The following ATP13A3 variants were observed in gnomAD, a reference collection of about 807,000 sequenced individuals.
ATP13A3 encodes polyamine-transporting ATPase 13A3.
In ATP13A3, 59 loss-of-function variants were observed where a neutral mutation model predicts 158.1. That is an observed-to-expected ratio of 0.37 (90% CI 0.30 to 0.46). The LOEUF is 0.46. Among genes scored for constraint, ATP13A3 ranks in the 20% least tolerant of loss-of-function variants. The probability of loss-of-function intolerance (pLI) is 1.00; values close to 1 mark genes in which losing one functional copy is unlikely to be tolerated. For missense variants in ATP13A3, 1,166 were observed against 1,525.2 expected (o/e 0.76, Z 3.92); for synonymous variants, 491 against 504.3 (o/e 0.97, Z 0.35).
At chr3:194,421,944 CAAAA>C (rs397972334) in intron 30 of ATP13A3, among the ~76,000 whole-genome samples, 5 of 97,486 alleles carry the variant, frequency 5.1e-5, no homozygotes, top group African/African-American at 1.3e-4. Flanking sequence ...GTGTCGTTGG[CAAAA>C]AAAAAAAAAA....
Position 194,441,367 on chromosome 3 carries a change from C to T in ATP13A3, c.1654G>A (p.Glu552Lys), listed in dbSNP as rs757922016. The T allele has an allele frequency of 2.5e-6, 4 of 1,613,818 alleles. No individual in the cohort carries two copies. The South Asian group carries it at 4.4e-5, about 18-fold the overall frequency. ...AGTGGATCACCAGAGAGCACTCCTT[C>T]AATTTTTGTAAGTGAATGACAAGTA... The part of the protein sequence containing the change: ...MATCHSLTKI[E>K]GVLSGDPLDL... The change falls in exon 16 of 34, where the codon GAA becomes AAA. Residue 552 changes from glutamate (E) to lysine (K), a missense_variant. This residue lies in a region of ATP13A3 where 997 missense variants were observed against 1,341.2 expected (regional missense o/e 0.74). Coordinates refer to ENST00000645319, the MANE Select transcript of ATP13A3 (RefSeq NM_001367549.1).
chr3:194,448,048 G>A lies in ATP13A3; in HGVS notation c.1151-39C>T. 2.0e-6 allele frequency: 3 copies of A among 1,497,488 alleles called. No individual in the cohort carries two copies. The highest frequency in any genetic ancestry group is 2.8e-5 in the African/African-American group (2 of 70,430). 92.8% of individuals were successfully genotyped at this position (1,497,488 alleles called of 1,614,324 possible). On this transcript the variant is annotated intron_variant, in intron 12 of 33. Transcript: ENST00000645319. The surrounding 1 kb of genome is among the most constrained non-coding windows in gnomAD (Gnocchi z 4.0). ...AAGACAATTATTGATATTTTTATAA[G>A]AAAATGAGAATTATCTCCCAAAACA...
At chr3:194,481,082 A>T (rs1720729911) in intron 2 of ATP13A3, among the ~76,000 whole-genome samples, 1 of 152,230 alleles carries the variant, frequency 6.6e-6, no homozygotes, top group African/African-American at 2.4e-5. Context: ...TTATCTGAGA[A>T]TTTAGGCCCA....
intron 33 of ATP13A3, among the ~76,000 whole-genome samples, chr3:194,406,469 T>TTTTG (rs1553793236): frequency 6.6e-6 from 1 of 152,116 alleles, no homozygotes; most frequent in African/African-American, 2.4e-5. Context: ...ATATTTTTTT[T>TTTTG]GGGGGGATAA....
At chr3:194,454,654 T>C (rs11714317) in intron 8 of ATP13A3, among the ~76,000 whole-genome samples, 29,621 of 151,796 alleles carry the variant, frequency 0.2, 3,169 homozygotes, top group South Asian at 0.33. Context: ...GGTGAAACCC[T>C]GTCTCTACTA....
chr3:194,445,496 G>T (rs79279268), intron 14 of ATP13A3, among the ~76,000 whole-genome samples: 3,658 of 152,276 alleles, frequency 0.024, 51 homozygotes, highest in South Asian at 0.032. Context: ...AAAATGAGCA[G>T]ATAGATAAAA....
At chr3:194,475,777 AACC>A (rs1560114998) in intron 2 of ATP13A3, among the ~76,000 whole-genome samples, 2 of 152,304 alleles carry the variant, frequency 1.3e-5, no homozygotes, top group African/African-American at 4.8e-5. Flanking sequence ...GCACTATAAC[AACC>A]ACAATAGTGA....
chr3:194,436,900 CA>C (rs199548603), intron 20 of ATP13A3, among the ~76,000 whole-genome samples, 194 bp downstream of exon 20: 3 of 150,292 alleles, frequency 2.0e-5, no homozygotes, highest in African/African-American at 4.9e-5. Context: ...GACTGTCTCT[CA>C]AAAAAAAACC....
At chr3:194,479,177 C>G (rs1720653221) in intron 2 of ATP13A3, among the ~76,000 whole-genome samples, 2 of 152,136 alleles carry the variant, frequency 1.3e-5, no homozygotes, top group Non-Finnish European at 2.9e-5. Flanking sequence ...AAACACTGAA[C>G]AGAAAACCAT....
rs1001193976 is a variant in ATP13A3 at position 194,486,810 on chromosome 3, C to G, written c.-333G>C. The stretch of plus-strand genomic sequence containing the variant: ...TCCTCCTCCTCCGCGCCCGCGGCGG[C>G]GGCGTGCAGCCGGCAGGGCGAGAAC... On this transcript the variant is annotated 5_prime_UTR_variant, in exon 1 of 34. Transcript: ENST00000645319. The G allele has an allele frequency of 1.3e-5, 2 of 151,040 alleles. No individual in the cohort carries two copies. Among genetic ancestry groups the G allele is most frequent in the African/African-American group, 4.8e-5 (2 of 41,240 alleles). The allele number at this position is 151,040 out of a possible 1,614,324, so 9.4% of individuals were successfully genotyped here. A position where few individuals can be genotyped will look rare whatever the true frequency, so the allele number is the denominator to read the frequency against.
At chr3:194,447,569 T>G (rs570124793) in intron 13 of ATP13A3, among the ~76,000 whole-genome samples, 97 of 149,318 alleles carry the variant, frequency 6.5e-4, no homozygotes, top group African/African-American at 2.2e-3. Flanking sequence ...TGTGGGGGGG[T>G]TTTTTTTCCT....
chr3:194,412,306 G>C lies in ATP13A3; in HGVS notation c.3484-18C>G. On this transcript the variant is annotated intron_variant, in intron 32 of 33. Coordinates refer to ENST00000645319, the MANE Select transcript of ATP13A3 (RefSeq NM_001367549.1). ...AAGAAGTTCTGAGAGATATTCCAGTGAGTTAAGAATTAATAATGACTAAGT... is the reference window on the plus strand; with the variant it reads ...AAGAAGTTCTGAGAGATATTCCAGTCAGTTAAGAATTAATAATGACTAAGT... 4 of 1,522,902 alleles carry C rather than the reference G, an allele frequency of 2.6e-6. No homozygotes were observed. The highest frequency in any genetic ancestry group is 3.5e-6 in the Non-Finnish European group (4 of 1,134,922). The allele number at this position is 1,522,902 out of a possible 1,614,324, so 94.3% of individuals were successfully genotyped here. A position where few individuals can be genotyped will look rare whatever the true frequency, so the allele number is the denominator to read the frequency against.
chr3:194,474,945 C>G (rs974178309), intron 2 of ATP13A3, among the ~76,000 whole-genome samples: 1 of 152,034 alleles, frequency 6.6e-6, no homozygotes, highest in Non-Finnish European at 1.5e-5. Flanking sequence ...GTTTAAATTA[C>G]TAATTAAAGT....
intron 11 of ATP13A3, among the ~76,000 whole-genome samples, chr3:194,449,088 CACAGAA>C (rs1366186895): frequency 7.4e-6 from 1 of 135,850 alleles, no homozygotes; most frequent in Non-Finnish European, 1.6e-5. Context: ...CACACACACA[CACAGAA>C]CAGAAAAGAC....
intron 30 of ATP13A3, among the ~76,000 whole-genome samples, chr3:194,421,055 T>C (rs1309476636): frequency 7.7e-6 from 1 of 129,286 alleles, no homozygotes; most frequent in Non-Finnish European, 1.6e-5. Context: ...TAAATATTTA[T>C]CATTCTACAG....
chr3:194,419,702 T>A (rs576383979), intron 31 of ATP13A3, 177 bp downstream of exon 31: 1 of 841,018 alleles, frequency 1.2e-6, no homozygotes, highest in East Asian at 1.2e-4. Flanking sequence ...GAAGCAGAGA[T>A]TAAACAGGTA....
chr3:194,412,204 G>A lies in ATP13A3; in HGVS notation c.3568C>T (p.Pro1190Ser). 1 of 1,536,182 alleles carries A rather than the reference G, an allele frequency of 6.5e-7. No homozygotes were observed. The highest frequency in any genetic ancestry group is 1.2e-5 in the South Asian group (1 of 84,046). Residue 1190 changes from proline to serine, a missense_variant, in exon 33 of 34, where the codon CCG becomes TCG. Pro to Ser is a moderately conservative substitution (Grantham distance 74). Around this residue, in one of 3 missense-constraint regions of ATP13A3, gnomAD observed 997 missense variants for 1,341.2 expected, o/e 0.74. Coordinates refer to ENST00000645319, the MANE Select transcript of ATP13A3 (RefSeq NM_001367549.1). ...AGGAAGTGCTGAGTTCCAACCTGCG[G>A]TGGCTGTGTGGTGCTGAACCGATAC... is the stretch of plus-strand genomic sequence containing the variant. ...GEYRFSTTQP[P>S]QESVDRWGKC...
intron 30 of ATP13A3, among the ~76,000 whole-genome samples, chr3:194,423,690 C>G (rs1488743325): frequency 2.0e-5 from 3 of 152,088 alleles, no homozygotes; most frequent in Non-Finnish European, 4.4e-5. Flanking sequence ...TTAAATCATC[C>G]AGTGGCCAAA....
At position 194,419,929 on chromosome 3, in the gene ATP13A3, T is replaced by G. The variant is rs778971781; in HGVS notation, c.3352A>C (p.Ile1118Leu). ...ACTGGATACAACATGATGAATAATA[T>G]AAAAATATATAAAAAAATCACAGAA... The part of the protein sequence containing the change: ...VFSVIFLYIF[I>L]LFIMLYPVAS... Residue 1118 changes from isoleucine to leucine, a missense_variant, in exon 31 of 34, where the codon ATA (isoleucine) becomes CTA (leucine). Transcript: ENST00000645319. 1.3e-4 allele frequency: 202 copies of G among 1,535,660 alleles called. No homozygotes were observed. Among genetic ancestry groups the G allele is most frequent in the Non-Finnish European group, 1.6e-4 (180 of 1,150,950 alleles).
Sources: allele counts gnomAD v4.1 joint callset (sites outside exome capture counted in the v4.1 genomes callset), GRCh38; gene constraint gnomAD v4.1.1; regional missense constraint gnomAD v4.1.1; non-coding constraint Gnocchi (gnomAD v3.1); transcripts MANE v1.5; gene names NCBI Gene and HGNC (gene_info 2026-07-23, HGNC 2026-07-21).